The following TMEM182 variants were observed in gnomAD, a reference collection of about 807,000 sequenced individuals.
TMEM182 encodes transmembrane protein 182.
A neutral mutation model predicts 26.8 loss-of-function variants in TMEM182; 20 were observed. The ratio of observed to expected loss-of-function variants is 0.75; its 90% CI spans 0.53 to 1.09. The LOEUF is 1.09. Among genes scored for constraint, TMEM182 ranks in the 50% least tolerant of loss-of-function variants. The pLI, the probability that TMEM182 is intolerant of heterozygous loss-of-function variation, is 0.00. For synonymous variants in TMEM182, 109 were observed against 102.2 expected (o/e 1.07, Z -0.40); for missense variants, 277 against 275.5 (o/e 1.01, Z -0.04).
intron 4 of TMEM182, among the ~76,000 whole-genome samples, chr2:102,804,780 T>C (rs1444552967): frequency 6.6e-6 from 1 of 152,236 alleles, no homozygotes; most frequent in Non-Finnish European, 1.5e-5. Context: ...TTGTTACTGA[T>C]ATGCCAGTCA....
chr2:102,836,510 C>T (rs553861979), intron 3 of TMEM182, among the ~76,000 whole-genome samples: 14 of 152,184 alleles, frequency 9.2e-5, no homozygotes, highest in Non-Finnish European at 1.6e-4. Flanking sequence ...ACAATGATCT[C>T]ATTGAATCCT....
At position 102,753,342 on chromosome 2, in the gene TMEM182, A is replaced by G. The variant is rs149769995; in HGVS notation, c.-82-5047A>G. 8.1e-3 allele frequency among the ~76,000 whole-genome samples: 1,234 copies of G among 152,290 alleles called. 9 individuals are homozygous for G. The highest frequency in any genetic ancestry group is 0.013 in the Non-Finnish European group (880 of 68,028). On this transcript the variant is annotated intron_variant, in intron 1 of 5. Coordinates refer to the TMEM182 transcript ENST00000409173. Reference sequence around the variant, plus strand: ...CCCCCTTGGTGTGAATTACTTGTATAGGTGACTCTCAATTTAAATAAGCAT... The same window carrying G: ...CCCCCTTGGTGTGAATTACTTGTATGGGTGACTCTCAATTTAAATAAGCAT...
At position 102,816,013 on chromosome 2, in the gene TMEM182, C is replaced by G. The variant is rs1356207717; in HGVS notation, c.*1045C>G. On this transcript the variant is annotated 3_prime_UTR_variant, in exon 5 of 5. Transcript: ENST00000412401. ...AATTACTGTCCCTCAATTTCTTCAT[C>G]TTTACAATAGATATATTAACATTTA... 1 of 984,762 alleles carries G rather than the reference C, an allele frequency of 1.0e-6. No individual in the cohort carries two copies. The highest frequency in any genetic ancestry group is 1.2e-6 in the Non-Finnish European group (1 of 829,496). 61.0% of individuals were successfully genotyped at this position (984,762 alleles called of 1,614,324 possible). A position where few individuals can be genotyped will look rare whatever the true frequency, so the allele number is the denominator to read the frequency against.
upstream of TMEM182, chr2:102,758,600 C>T: frequency 1.5e-6 from 1 of 656,148 alleles, no homozygotes; most frequent in Non-Finnish European, 2.8e-6. Context: ...TAACAAGTAC[C>T]AAGCTGGGCC....
chr2:102,801,694 A>G (rs980167752), intron 4 of TMEM182, among the ~76,000 whole-genome samples: 1 of 152,134 alleles, frequency 6.6e-6, no homozygotes, highest in Non-Finnish European at 1.5e-5. Flanking sequence ...ATAAACTCAT[A>G]CTAAAAAGGG....
chr2:102,769,160 C>T (rs1680577973), intron 3 of TMEM182, among the ~76,000 whole-genome samples: 1 of 152,122 alleles, frequency 6.6e-6, no homozygotes, highest in South Asian at 2.1e-4. Context: ...TATCCCTCTG[C>T]TTGGGACATG....
At chr2:102,756,734 C>A (rs1680049763) in intron 1 of TMEM182, among the ~76,000 whole-genome samples, 1 of 152,180 alleles carries the variant, frequency 6.6e-6, no homozygotes, top group Admixed American at 6.5e-5. Flanking sequence ...AACGGAAACT[C>A]AGAGAGTTGA....
intron 4 of TMEM182, among the ~76,000 whole-genome samples, chr2:102,804,119 T>C (rs1172937158): frequency 6.6e-6 from 1 of 152,210 alleles, no homozygotes; most frequent in African/African-American, 2.4e-5. Context: ...TTTTTCTTTT[T>C]TTTCCTTCAC....
chr2:102,789,264 CACTT>C (rs756622238), intron 3 of TMEM182, among the ~76,000 whole-genome samples: 19 of 152,202 alleles, frequency 1.2e-4, no homozygotes, highest in Non-Finnish European at 2.6e-4. Flanking sequence ...AAATGAATAA[CACTT>C]AAGTTTATCT....
intron 3 of TMEM182, 152 bp from the exon 4 acceptor site, chr2:102,797,711 G>A (rs1398007586): frequency 2.3e-6 from 2 of 883,062 alleles, no homozygotes; most frequent in African/African-American, 3.4e-5. Flanking sequence ...AAGATCTCCT[G>A]TTTGTTCAGA....
chr2:102,835,969 T>C (rs1683239623), intron 3 of TMEM182, among the ~76,000 whole-genome samples: 1 of 151,654 alleles, frequency 6.6e-6, no homozygotes. Context: ...AAGGACAGAA[T>C]GTTCTATAGT....
chr2:102,760,277 G>T (rs1680167213), upstream of TMEM182, among the ~76,000 whole-genome samples: 1 of 152,004 alleles, frequency 6.6e-6, no homozygotes, highest in Non-Finnish European at 1.5e-5. Flanking sequence ...GATGAGGCGT[G>T]GGTGATGGCT....
At chr2:102,814,608 A>C in intron 4 of TMEM182, 140 bp from the exon 5 acceptor site, 2 of 691,956 alleles carry the variant, frequency 2.9e-6, no homozygotes, top group Non-Finnish European at 4.7e-6. Context: ...AGTACATAAT[A>C]AAAGGTCTGA....
At position 102,762,674 on chromosome 2, in the gene TMEM182, A is replaced by C. The variant is rs1385762661; in HGVS notation, c.220A>C (p.Lys74Gln). The change falls in exon 2 of 5, where the codon AAG becomes CAG. Residue 74 changes from lysine to glutamine, a missense_variant. Lys to Gln is a moderately conservative substitution (Grantham distance 53, BLOSUM62 1). Coordinates refer to ENST00000412401, the MANE Select transcript of TMEM182 (RefSeq NM_144632.5). ...IVEENDSNIW[K>Q]FWYTNQPPSK... is the part of the protein sequence containing the mutation. The stretch of plus-strand genomic sequence containing the variant: ...GGAAGAGAATGACTCCAATATTTGG[A>C]AGTTCTGGTACAGTAAGTACAATTT... The C allele has an allele frequency of 3.7e-6, 6 of 1,613,498 alleles. No homozygotes were observed. The highest frequency in any genetic ancestry group is 5.1e-6 in the Non-Finnish European group (6 of 1,179,590).
rs771658186 is a variant in TMEM182, at chr2:102,762,268, G to T, written c.51G>T (p.Gly17=). 5 of 1,613,818 alleles carry T rather than the reference G, an allele frequency of 3.1e-6. No homozygotes were observed. The highest frequency in any genetic ancestry group is 4.2e-6 in the Non-Finnish European group (5 of 1,179,866). The change falls in exon 1 of 5, where the codon GGG becomes GGT. Residue 17 remains glycine (G), a synonymous_variant. Coordinates refer to ENST00000412401, the MANE Select transcript of TMEM182 (RefSeq NM_144632.5). ...IFFGALFGAL[G]VLLFLVAFGS... is the part of the protein sequence containing the mutation. Reference sequence around the variant, plus strand: ...TTGGAGCTCTCTTTGGTGCTTTGGGGGTGTTACTCTTTTTGGTGGCTTTTG... The same window carrying T: ...TTGGAGCTCTCTTTGGTGCTTTGGGTGTGTTACTCTTTTTGGTGGCTTTTG...
intron 3 of TMEM182, among the ~76,000 whole-genome samples, chr2:102,767,538 T>G (rs1034303189): frequency 1.3e-5 from 2 of 152,180 alleles, no homozygotes; most frequent in African/African-American, 4.8e-5. Context: ...GAATTAATTT[T>G]TTGCCTTCTC....
At chr2:102,820,485 GA>G (rs1307272923), downstream of TMEM182, among the ~76,000 whole-genome samples, 1 of 152,142 alleles carries the variant, frequency 6.6e-6, no homozygotes, top group East Asian at 1.9e-4. Flanking sequence ...ATCCTCTAGG[GA>G]AAAATGCATA....
At chr2:102,836,614 G>A (rs1013134489) in intron 3 of TMEM182, among the ~76,000 whole-genome samples, 4 of 152,156 alleles carry the variant, frequency 2.6e-5, no homozygotes, top group Non-Finnish European at 4.4e-5. Context: ...ACTTGCCCAA[G>A]ATTCCATGAA....
intron 4 of TMEM182, among the ~76,000 whole-genome samples, chr2:102,802,855 A>C (rs1032480843): frequency 1.3e-5 from 2 of 152,208 alleles, no homozygotes; most frequent in Non-Finnish European, 1.5e-5. Flanking sequence ...TTACCAGCAC[A>C]TCAAGCTAGA....
Sources: gnomAD v4.1 joint callset for allele counts (sites outside exome capture counted in the v4.1 genomes callset) on GRCh38, gnomAD v4.1.1 for gene constraint, MANE v1.5 for transcripts, NCBI Gene and HGNC (gene_info 2026-07-23, HGNC 2026-07-21) for gene names.